ERG: variants seen among roughly 807,000 people sequenced by gnomAD.
ERG encodes transcriptional regulator ERG.
Under a neutral mutation model 55.3 loss-of-function variants are expected in ERG, and 9 were observed. That is an observed-to-expected ratio of 0.16 (90% confidence interval 0.10 to 0.28). The LOEUF (loss-of-function observed/expected upper bound fraction) is 0.28. ERG is among the 10% of genes least tolerant of loss of function. The probability of loss-of-function intolerance (pLI) is 1.00; values close to 1 mark genes in which losing one functional copy is unlikely to be tolerated. For missense variants in ERG, 434 were observed against 631.6 expected, an observed-to-expected ratio of 0.69 and a Z score of 3.35; for synonymous variants, 223 against 237.3, an observed-to-expected ratio of 0.94 and a Z score of 0.55.
At chr21:38,615,315 G>A (rs923601628) in intron 1 of ERG, among the ~76,000 whole-genome samples, 3 of 152,142 alleles carry the variant, frequency 2.0e-5, no homozygotes, top group Non-Finnish European at 1.5e-5. Context: ...GGGAGATGCG[G>A]AATTACCTCA....
At chr21:38,520,626 G>C (rs547057134) in intron 2 of ERG, among the ~76,000 whole-genome samples, 1 of 152,178 alleles carries the variant, frequency 6.6e-6, no homozygotes, top group South Asian at 2.1e-4. Flanking sequence ...ACAAAGGAAA[G>C]CTGGGATAAC....
intron 1 of ERG, among the ~76,000 whole-genome samples, chr21:38,655,552 T>C (rs1471760598): frequency 6.6e-6 from 1 of 152,238 alleles, no homozygotes. Context: ...TTTAGCAATG[T>C]GTGTGGAACG....
intron 1 of ERG, among the ~76,000 whole-genome samples, chr21:38,463,582 A>G (rs2059062681): frequency 6.6e-6 from 1 of 152,228 alleles, no homozygotes; most frequent in Non-Finnish European, 1.5e-5. Context: ...GGATGACAGA[A>G]GAAGGAAGGA....
intron 1 of ERG, among the ~76,000 whole-genome samples, chr21:38,610,164 A>G (rs1270683161): frequency 6.6e-6 from 1 of 152,230 alleles, no homozygotes; most frequent in African/African-American, 2.4e-5. Flanking sequence ...CACAGCAAGT[A>G]ATGGATGGCA....
At chr21:38,416,579 C>G (rs1264904215) in intron 3 of ERG, among the ~76,000 whole-genome samples, 1 of 152,208 alleles carries the variant, frequency 6.6e-6, no homozygotes, top group Admixed American at 6.5e-5. Flanking sequence ...TTCCTAATTT[C>G]CATTTGATAA....
Position 38,466,332 on chromosome 21 carries a change from T to TGTGA in ERG, c.19-20712_19-20711insTCAC, listed in dbSNP as rs1168566229. ...GTGTGTGTGTGTGTGTGTGTGTGTG[T>TGTGA]GATATAGATATGTATGATATATATG... is the stretch of plus-strand genomic sequence containing the variant. On this transcript the variant is annotated intron_variant, in intron 1 of 9. Transcript: ENST00000288319. Among the ~76,000 whole-genome samples, 32 of 150,968 alleles carry TGTGA rather than the reference T, an allele frequency of 2.1e-4. No homozygotes were observed. In the South Asian group the frequency reaches 5.7e-3, roughly 27 times the overall value.
At chr21:38,543,950 TG>T (rs1166154977) in intron 2 of ERG, among the ~76,000 whole-genome samples, 2 of 152,136 alleles carry the variant, frequency 1.3e-5, no homozygotes, top group Admixed American at 6.5e-5. Flanking sequence ...TTGGCCAGGC[TG>T]GTCGTCTCAA....
At chr21:38,586,157 G>C (rs2060062689), upstream of ERG, among the ~76,000 whole-genome samples, 1 of 118,008 alleles carries the variant, frequency 8.5e-6, no homozygotes. Context: ...TATTTACCGT[G>C]TACAACATTA....
At chr21:38,429,744 T>TACAC (rs368936578) in intron 2 of ERG, among the ~76,000 whole-genome samples, 13,400 of 107,472 alleles carry the variant, frequency 0.12, 888 homozygotes, top group African/African-American at 0.14. Context: ...TGTATATATA[T>TACAC]ATACACACAC....
intron 2 of ERG, among the ~76,000 whole-genome samples, chr21:38,426,448 C>T (rs1243638618): frequency 6.6e-6 from 1 of 152,086 alleles, no homozygotes; most frequent in Non-Finnish European, 1.5e-5. Flanking sequence ...AAAGACTTTG[C>T]CCAGATGATG....
In ERG at chr21:38,380,524, A is replaced by G; in HGVS notation, c.*2879T>C. 9.4e-7 allele frequency: 1 copy of G among 1,065,844 alleles called. No homozygotes were observed. The highest frequency in any genetic ancestry group is 1.1e-6 in the Non-Finnish European group (1 of 879,608). 66.0% of individuals were successfully genotyped at this position (1,065,844 alleles called of 1,614,324 possible). On this transcript the variant is annotated 3_prime_UTR_variant, in exon 10 of 10. Transcript: ENST00000288319. ...GCCAGCAGGAGTAAGATTGTACAGG[A>G]GTCTGAGTATACATCAGGGCAAGCC... is the stretch of plus-strand genomic sequence containing the variant.
At chr21:38,440,711 C>T (rs1194386348) in intron 2 of ERG, among the ~76,000 whole-genome samples, 1 of 147,042 alleles carries the variant, frequency 6.8e-6, no homozygotes, top group African/African-American at 2.5e-5. Context: ...ATCGCTTGAA[C>T]TCGGGAGGCA....
intron 1 of ERG, among the ~76,000 whole-genome samples, chr21:38,636,188 G>A (rs1328052859): frequency 6.6e-6 from 1 of 152,166 alleles, no homozygotes. Context: ...TTCCCCTTCT[G>A]CCATGATTGA....
chr21:38,477,215 T>C (rs1043222636), intron 1 of ERG, among the ~76,000 whole-genome samples: 2 of 152,140 alleles, frequency 1.3e-5, no homozygotes, highest in Non-Finnish European at 2.9e-5. Flanking sequence ...GGTTTCACCA[T>C]GTTGGCTAGG....
At chr21:38,461,137 T>C (rs73439066) in intron 1 of ERG, among the ~76,000 whole-genome samples, 13,753 of 152,204 alleles carry the variant, frequency 0.09, 1,562 homozygotes, top group African/African-American at 0.25. Flanking sequence ...GCAACAGACA[T>C]TTATTCTCTC....
chr21:38,385,234 A>G (rs1267587127), intron 9 of ERG, among the ~76,000 whole-genome samples: 2 of 152,240 alleles, frequency 1.3e-5, no homozygotes, highest in African/African-American at 4.8e-5. Flanking sequence ...ATCCGTACCA[A>G]GAGAAGCTAA....
At chr21:38,450,862 G>T in intron 1 of ERG, 1 of 448,710 alleles carries the variant, frequency 2.2e-6, no homozygotes. Flanking sequence ...TATGAAAAAT[G>T]ATCATTTAAT....
chr21:38,401,417 T>C (rs1356907446), intron 5 of ERG, among the ~76,000 whole-genome samples: 2 of 152,218 alleles, frequency 1.3e-5, no homozygotes, highest in Non-Finnish European at 2.9e-5. Context: ...GGCTGATGTG[T>C]GCAACCAAAA....
At chr21:38,661,594 G>C (rs1247526179) in intron 1 of ERG, 2 of 152,252 alleles carry the variant, frequency 1.3e-5, no homozygotes, top group Non-Finnish European at 2.9e-5. Context: ...TCCGGGGCTC[G>C]GGGCTAAGCC....
Sources: gnomAD v4.1 joint callset for allele counts (sites outside exome capture counted in the v4.1 genomes callset) on GRCh38, gnomAD v4.1.1 for gene constraint, MANE v1.5 for transcripts, NCBI Gene and HGNC (gene_info 2026-07-23, HGNC 2026-07-21) for gene names.